Variants in TYW1 observed in about 807,000 individuals in gnomAD.
TYW1 encodes tRNA-yW synthesizing protein 1 homolog, also known as S-adenosyl-L-methionine-dependent tRNA 4-demethylwyosine synthase TYW1.
A neutral mutation model predicts 96.2 loss-of-function variants in TYW1; 46 were observed. That is an observed-to-expected ratio of 0.48 (90% CI 0.38 to 0.61). The LOEUF (loss-of-function observed/expected upper bound fraction) is 0.61. Ranked by LOEUF, TYW1 falls within the 20% of genes least tolerant of loss-of-function variation. The probability of loss-of-function intolerance (pLI) is 0.00; values close to 1 mark genes in which losing one functional copy is unlikely to be tolerated. For synonymous variants in TYW1, 274 were observed against 323.0 expected, an observed-to-expected ratio of 0.85 and a Z score of 1.63; for missense variants, 684 against 909.6, an observed-to-expected ratio of 0.75 and a Z score of 3.19.
chr7:67,185,308 A>G (rs1331401731), intron 14 of TYW1, among the ~76,000 whole-genome samples: 1 of 151,814 alleles, frequency 6.6e-6, no homozygotes, highest in African/African-American at 2.4e-5. Context: ...ATTTTAAAAG[A>G]TCACCCCACT....
At chr7:67,162,602 C>A (rs62464973) in intron 13 of TYW1, among the ~76,000 whole-genome samples, 1 of 152,190 alleles carries the variant, frequency 6.6e-6, no homozygotes, top group African/African-American at 2.4e-5. Context: ...ACCCTGTCTT[C>A]TGCACACATG....
chr7:67,121,348 T>C (rs10230954), intron 13 of TYW1, among the ~76,000 whole-genome samples: 42,023 of 151,974 alleles, frequency 0.28, 6,650 homozygotes, highest in African/African-American at 0.44. Flanking sequence ...CCAGCCCGGT[T>C]AATATGGTGA....
intron 15 of TYW1, among the ~76,000 whole-genome samples, chr7:67,220,965 G>C (rs1232192805): frequency 6.6e-6 from 1 of 152,056 alleles, no homozygotes; most frequent in East Asian, 1.9e-4. Flanking sequence ...GACCTCAGGT[G>C]ATCCACCTGC....
At chr7:67,044,231 T>C (rs2129258054) in intron 7 of TYW1, among the ~76,000 whole-genome samples, 1 of 151,144 alleles carries the variant, frequency 6.6e-6, no homozygotes, top group South Asian at 2.1e-4. Context: ...CCTGAATAGC[T>C]GCGACCACAA....
At chr7:67,064,339 A>G (rs1425281748) in intron 9 of TYW1, among the ~76,000 whole-genome samples, 1 of 152,240 alleles carries the variant, frequency 6.6e-6, no homozygotes. Context: ...TACTACTGGT[A>G]GAGAGATAGA....
intron 13 of TYW1, among the ~76,000 whole-genome samples, chr7:67,123,784 A>G (rs186942933): frequency 7.2e-5 from 11 of 152,334 alleles, no homozygotes; most frequent in African/African-American, 2.6e-4. Context: ...ATTCCATGCA[A>G]CTCAAGGAAA....
chr7:67,043,470 A>G (rs1359146226), intron 7 of TYW1, among the ~76,000 whole-genome samples: 1 of 152,122 alleles, frequency 6.6e-6, no homozygotes, highest in Non-Finnish European at 1.5e-5. Flanking sequence ...TTGGAAATAA[A>G]TGGCAAATGC....
At chr7:67,017,078 G>T (rs1794051336) in intron 5 of TYW1, among the ~76,000 whole-genome samples, 2 of 151,372 alleles carry the variant, frequency 1.3e-5, no homozygotes, top group Admixed American at 1.3e-4. Flanking sequence ...TGCCTCCAGG[G>T]TTCAAGGAAT....
chr7:67,170,112 A>G (rs1202745529), intron 13 of TYW1, among the ~76,000 whole-genome samples: 3 of 152,162 alleles, frequency 2.0e-5, no homozygotes, highest in Admixed American at 2.0e-4. Flanking sequence ...TTTTGAGTTA[A>G]TTTTGGTGGA....
chr7:67,149,776 C>CTATCTATCTATCTATCTA (rs1563041677), intron 13 of TYW1, among the ~76,000 whole-genome samples: 1 of 55,596 alleles, frequency 1.8e-5, no homozygotes, highest in Non-Finnish European at 3.7e-5. Context: ...CTATCTATCT[C>CTATCTATCTATCTATCTA]TCTATGTTAA....
chr7:67,033,057 C>T (rs766202083), intron 7 of TYW1, among the ~76,000 whole-genome samples: 14 of 151,472 alleles, frequency 9.2e-5, no homozygotes, highest in Non-Finnish European at 1.5e-4. Flanking sequence ...CCACCACGCC[C>T]GGCTAATTTT....
intron 10 of TYW1, among the ~76,000 whole-genome samples, chr7:67,078,674 G>A (rs1796284889): frequency 6.6e-6 from 1 of 151,902 alleles, no homozygotes; most frequent in Non-Finnish European, 1.5e-5. Context: ...TTTCCTCAGT[G>A]ATATGAAATT....
chr7:67,181,493 T>C (rs1799840871), intron 13 of TYW1, among the ~76,000 whole-genome samples: 1 of 152,206 alleles, frequency 6.6e-6, no homozygotes, highest in Non-Finnish European at 1.5e-5. Flanking sequence ...TTATTAACGA[T>C]CTCTTAGTTT....
chr7:67,036,405 A>C (rs1385936028), intron 7 of TYW1, among the ~76,000 whole-genome samples: 2 of 152,316 alleles, frequency 1.3e-5, no homozygotes, highest in African/African-American at 2.4e-5. Context: ...TGCACAATTC[A>C]AAAGGATCAG....
chr7:67,000,974 G>A (rs1793365770), intron 3 of TYW1, among the ~76,000 whole-genome samples: 1 of 151,848 alleles, frequency 6.6e-6, no homozygotes. Context: ...AAGCAGTGGA[G>A]GTGGGAAACC....
chr7:67,215,145 A>G (rs1486909283), intron 15 of TYW1, among the ~76,000 whole-genome samples: 1 of 150,840 alleles, frequency 6.6e-6, no homozygotes, highest in Non-Finnish European at 1.5e-5. Context: ...CTAGGAAACT[A>G]TCAGGCCACT....
At chr7:67,214,052 T>G (rs2116400458) in intron 15 of TYW1, among the ~76,000 whole-genome samples, 1 of 152,306 alleles carries the variant, frequency 6.6e-6, no homozygotes, top group African/African-American at 2.4e-5. Context: ...ACAAAATCAC[T>G]CTCTAGGATT....
At chr7:67,159,962 G>A (rs113471233) in intron 13 of TYW1, among the ~76,000 whole-genome samples, 5 of 135,804 alleles carry the variant, frequency 3.7e-5, no homozygotes, top group Non-Finnish European at 6.2e-5. Flanking sequence ...CACCACGCCC[G>A]GCTAATGTTT....
At chr7:67,156,684 C>T (rs1798985421) in intron 13 of TYW1, among the ~76,000 whole-genome samples, 1 of 152,088 alleles carries the variant, frequency 6.6e-6, no homozygotes, top group African/African-American at 2.4e-5. Flanking sequence ...ATGGGAGATG[C>T]CAGCAGGGCT....
Sources: allele counts gnomAD v4.1 joint callset (sites outside exome capture counted in the v4.1 genomes callset), GRCh38; gene constraint gnomAD v4.1.1; transcripts MANE v1.5; gene names NCBI Gene and HGNC (gene_info 2026-07-23, HGNC 2026-07-21).